Variants in PDE4D observed in about 807,000 individuals in gnomAD.
PDE4D encodes phosphodiesterase 4D.
Under a neutral mutation model 87.4 loss-of-function variants are expected in PDE4D, and 24 were observed. The observed-to-expected ratio is 0.27, with a 90% CI of 0.20 to 0.39. The LOEUF (loss-of-function observed/expected upper bound fraction) is 0.39. Among genes scored for constraint, PDE4D ranks in the 10% least tolerant of loss-of-function variants. The probability of loss-of-function intolerance (pLI) is 1.00; values close to 1 mark genes in which losing one functional copy is unlikely to be tolerated. For synonymous variants in PDE4D, 384 were observed against 383.2 expected (o/e 1.00, Z -0.02); for missense variants, 714 against 1,041.0 (o/e 0.69, Z 4.32).
intron 1 of PDE4D, among the ~76,000 whole-genome samples, chr5:60,414,012 C>T (rs11745274): frequency 0.26 from 38,956 of 151,752 alleles, 6,966 homozygotes; most frequent in African/African-American, 0.52. Flanking sequence ...CTGTTTGTTC[C>T]ACCAAGTTTC....
intron 2 of PDE4D, among the ~76,000 whole-genome samples, chr5:60,042,860 T>A (rs186897177): frequency 2.0e-5 from 3 of 152,180 alleles, no homozygotes; most frequent in Admixed American, 2.0e-4. Context: ...GCAAAAAGTC[T>A]TAAAATTACA....
At chr5:60,168,798 T>C (rs551788351) in intron 2 of PDE4D, among the ~76,000 whole-genome samples, 21 of 152,332 alleles carry the variant, frequency 1.4e-4, no homozygotes, top group African/African-American at 4.6e-4. Flanking sequence ...AAAAGTATTT[T>C]AGATTTGCAA....
intron 3 of PDE4D, among the ~76,000 whole-genome samples, chr5:59,965,085 T>A (rs1447647264): frequency 6.6e-6 from 1 of 152,148 alleles, no homozygotes; most frequent in African/African-American, 2.4e-5. Flanking sequence ...TTCTCTTATT[T>A]TACTATGGAT....
intron 1 of PDE4D, among the ~76,000 whole-genome samples, chr5:59,817,407 T>C (rs1769092891): frequency 6.6e-6 from 1 of 152,180 alleles, no homozygotes; most frequent in Non-Finnish European, 1.5e-5. Context: ...AGATTACTAA[T>C]ACCGGGAGGA....
At chr5:60,442,359 G>A (rs988010737) in intron 1 of PDE4D, among the ~76,000 whole-genome samples, 2 of 151,800 alleles carry the variant, frequency 1.3e-5, no homozygotes, top group African/African-American at 4.8e-5. Context: ...CAAACACCAC[G>A]TGTTTTCACT....
chr5:60,213,489 T>A lies in PDE4D; in HGVS notation c.-89-27802A>T, dbSNP rs547323884. On this transcript the variant is annotated intron_variant, in intron 1 of 16. Transcript: ENST00000502484. The stretch of plus-strand genomic sequence containing the variant: ...GATGATTCTCTTGAGACCAGTCGGA[T>A]GGTCTTGTTCTGGGAGTCATTTCTG... Among the ~76,000 whole-genome samples the A allele has an allele frequency of 6.1e-4, 93 of 152,320 alleles. 1 individual carries two copies. The South Asian group carries it at 0.016, about 26-fold the overall frequency.
chr5:60,406,666 TAATATTAC>T (rs1374010989), intron 1 of PDE4D, among the ~76,000 whole-genome samples: 1 of 152,198 alleles, frequency 6.6e-6, no homozygotes, highest in Admixed American at 6.5e-5. Flanking sequence ...CCCAAAATAG[TAATATTAC>T]AATTGTGTTT....
chr5:59,599,254 T>C (rs1490458453), intron 1 of PDE4D, among the ~76,000 whole-genome samples: 4 of 145,256 alleles, frequency 2.8e-5, no homozygotes, highest in South Asian at 4.3e-4. Context: ...TTTTTTGAGC[T>C]CTTGTTGCCC....
chr5:59,211,241 T>C (rs1750007256), intron 2 of PDE4D, among the ~76,000 whole-genome samples: 1 of 152,206 alleles, frequency 6.6e-6, no homozygotes, highest in Non-Finnish European at 1.5e-5. Flanking sequence ...TTCTTAAGAA[T>C]TAAGTTGCTA....
intron 2 of PDE4D, among the ~76,000 whole-genome samples, chr5:60,069,331 G>A (rs1182969388): frequency 3.9e-5 from 6 of 152,160 alleles, no homozygotes; most frequent in African/African-American, 1.4e-4. Flanking sequence ...TCCACCATGT[G>A]AGACACAGTG....
chr5:60,296,449 A>C (rs1753393888), intron 1 of PDE4D, among the ~76,000 whole-genome samples: 2 of 151,948 alleles, frequency 1.3e-5, no homozygotes, highest in Admixed American at 6.6e-5. Flanking sequence ...AAAAAAAATG[A>C]CTGGGTAAGC....
intron 1 of PDE4D, among the ~76,000 whole-genome samples, chr5:59,330,708 C>T (rs564441307): frequency 6.6e-6 from 1 of 152,180 alleles, no homozygotes; most frequent in Non-Finnish European, 1.5e-5. Context: ...GATTAAAGGC[C>T]TTTCTCTGAC....
chr5:60,108,511 G>T (rs1169770164), intron 2 of PDE4D, among the ~76,000 whole-genome samples: 21 of 151,962 alleles, frequency 1.4e-4, no homozygotes, highest in East Asian at 5.8e-4. Flanking sequence ...AAAAACTACT[G>T]TAAAGTTCAT....
At chr5:59,015,987 T>G (rs1041747307) in intron 6 of PDE4D, among the ~76,000 whole-genome samples, 1 of 152,126 alleles carries the variant, frequency 6.6e-6, no homozygotes, top group Admixed American at 6.6e-5. Flanking sequence ...GGGACATGGA[T>G]GAAACTGGAA....
chr5:59,475,232 C>T (rs1351237859), intron 1 of PDE4D, among the ~76,000 whole-genome samples: 1 of 151,998 alleles, frequency 6.6e-6, no homozygotes, highest in African/African-American at 2.4e-5. Context: ...CATTAGCTTA[C>T]GGGGCCTGCA....
chr5:59,412,515 G>A (rs531458041), intron 1 of PDE4D, among the ~76,000 whole-genome samples: 12 of 152,200 alleles, frequency 7.9e-5, no homozygotes, highest in East Asian at 3.9e-4. Context: ...CTCATGGCAC[G>A]GCTCCCAACA....
At chr5:59,727,065 C>T (rs1350039248) in intron 1 of PDE4D, among the ~76,000 whole-genome samples, 1 of 152,088 alleles carries the variant, frequency 6.6e-6, no homozygotes, top group East Asian at 1.9e-4. Context: ...ATGATAAATG[C>T]TCCAGATTAT....
chr5:60,286,144 A>T (rs1752395500), intron 1 of PDE4D, among the ~76,000 whole-genome samples: 1 of 152,148 alleles, frequency 6.6e-6, no homozygotes, highest in Non-Finnish European at 1.5e-5. Flanking sequence ...TGTCACAACA[A>T]CCCGGGAAAC....
At chr5:59,291,755 T>TTTTTAA in intron 1 of PDE4D, among the ~76,000 whole-genome samples, 1 of 151,108 alleles carries the variant, frequency 6.6e-6, no homozygotes, top group Non-Finnish European at 1.5e-5. Context: ...TTTTTTTTTT[T>TTTTTAA]TGAATGGATA....
Sources: allele counts gnomAD v4.1 joint callset (sites outside exome capture counted in the v4.1 genomes callset), GRCh38; gene constraint gnomAD v4.1.1; transcripts MANE v1.5; gene names NCBI Gene and HGNC (gene_info 2026-07-23, HGNC 2026-07-21).